The following ZNF451 variants were observed in gnomAD, a reference collection of about 807,000 sequenced individuals.
ZNF451 encodes zinc finger protein 451.
A neutral mutation model predicts 107.1 loss-of-function variants in ZNF451; 80 were observed. The observed-to-expected ratio is 0.75, with a 90% CI of 0.62 to 0.90. The LOEUF (loss-of-function observed/expected upper bound fraction) is 0.90, where lower values mean the gene tolerates loss of function less well. ZNF451 is among the 40% of genes least tolerant of loss of function. ZNF451 has a pLI of 0.00. For synonymous variants in ZNF451, 362 were observed against 406.5 expected (o/e 0.89, Z 1.32); for missense variants, 1,107 against 1,236.2 (o/e 0.90, Z 1.57).
chr6:57,156,525 C>T (rs962589162), intron 13 of ZNF451, among the ~76,000 whole-genome samples: 1 of 152,128 alleles, frequency 6.6e-6, no homozygotes, highest in Non-Finnish European at 1.5e-5. Flanking sequence ...TCAGATTTGA[C>T]AGCCAGTCAG....
Position 57,133,103 on chromosome 6 carries a change from G to C in ZNF451, c.486G>C (p.Thr162=), listed in dbSNP as rs201373364. 6.2e-7 allele frequency: 1 copy of C among 1,614,154 alleles called. No individual in the cohort carries two copies. Among genetic ancestry groups the C allele is most frequent in the Non-Finnish European group, 8.5e-7 (1 of 1,179,998 alleles). Residue 162 remains threonine (T), a synonymous_variant, in exon 6 of 15, where the codon ACG becomes ACC. Coordinates refer to ENST00000370706, the MANE Select transcript of ZNF451 (RefSeq NM_001031623.3). ...TKSSFRRGGH[T]WVSGKPILCP... ...GTTCATTCCGAAGAGGAGGCCACAC[G>C]TGGGTGTCTGGGAAACCAATTTTAT... is the stretch of plus-strand genomic sequence containing the variant.
At chr6:57,110,376 T>G (rs1830055433) in intron 3 of ZNF451, among the ~76,000 whole-genome samples, 1 of 152,244 alleles carries the variant, frequency 6.6e-6, no homozygotes, top group Admixed American at 6.5e-5. Context: ...GGGGTTGGTT[T>G]GTACCATAGT....
intron 9 of ZNF451, 117 bp downstream of exon 9, chr6:57,142,212 C>A: frequency 7.8e-7 from 1 of 1,275,806 alleles, no homozygotes; most frequent in Non-Finnish European, 1.1e-6. Context: ...TATACAGTTG[C>A]CTGGAAATTA....
chr6:57,148,397 A>C lies in ZNF451; in HGVS notation c.2312A>C (p.His771Pro), dbSNP rs1832187208. 6.2e-7 allele frequency: 1 copy of C among 1,613,948 alleles called. No individual in the cohort carries two copies. The highest frequency in any genetic ancestry group is 8.5e-7 in the Non-Finnish European group (1 of 1,179,888). ...TAQNLTDMNT[H>P]IHQVHKEKSD... is the part of the protein sequence containing the mutation. ...CAGAATTTAACCGACATGAACACTC[A>C]TATCCATCAAGTGCACAAAGAAAAG... Residue 771 changes from histidine to proline, a missense_variant, in exon 10 of 15, where the codon CAT (histidine) becomes CCT (proline). Physicochemically the swap from His to Pro is moderately conservative, Grantham distance 77. This residue lies in a region of ZNF451 where 608 missense variants were observed against 649.2 expected (regional missense o/e 0.94). Transcript: ENST00000370706.
At chr6:57,110,946 G>A (rs1830077178) in intron 3 of ZNF451, among the ~76,000 whole-genome samples, 2 of 143,210 alleles carry the variant, frequency 1.4e-5, no homozygotes, top group South Asian at 2.2e-4. Flanking sequence ...TTTTGAGACA[G>A]TCTCACTCTG....
chr6:57,156,996 C>G lies in ZNF451; in HGVS notation c.3070+2949C>G, dbSNP rs557818734. Among the ~76,000 whole-genome samples, 3 of 152,292 alleles carry G rather than the reference C, an allele frequency of 2.0e-5. No individual in the cohort carries two copies. In the East Asian group the frequency reaches 5.8e-4, roughly 29 times the overall value. On this transcript the variant is annotated intron_variant, in intron 13 of 14. Coordinates refer to ENST00000370706, the MANE Select transcript of ZNF451 (RefSeq NM_001031623.3). ...TCACCTCCTGCTGTGCGGCCCAGTT[C>G]TTAACAGGCCACAGACTGGTACTGG...
At chr6:57,096,913 C>A (rs1593074505) in intron 2 of ZNF451, among the ~76,000 whole-genome samples, 1 of 150,708 alleles carries the variant, frequency 6.6e-6, no homozygotes, top group Admixed American at 6.6e-5. Flanking sequence ...GTAGCTGGGA[C>A]TACAGGTGCC....
chr6:57,150,176 A>G (rs1350276786), intron 10 of ZNF451, among the ~76,000 whole-genome samples: 1 of 152,130 alleles, frequency 6.6e-6, no homozygotes, highest in African/African-American at 2.4e-5. Context: ...TCTCTGTACC[A>G]CTGGCACATA....
intron 5 of ZNF451, among the ~76,000 whole-genome samples, chr6:57,129,548 A>G (rs182759918): frequency 2.6e-5 from 4 of 152,344 alleles, no homozygotes; most frequent in Admixed American, 2.0e-4. Flanking sequence ...GGAAATATCT[A>G]TGCATGCAAT....
intron 5 of ZNF451, among the ~76,000 whole-genome samples, chr6:57,132,371 A>G (rs1470509230): frequency 6.6e-6 from 1 of 152,166 alleles, no homozygotes; most frequent in Non-Finnish European, 1.5e-5. Context: ...ACCCTCTATA[A>G]TATAGCTAAA....
rs149876604 is a variant in ZNF451 at position 57,147,875 on chromosome 6, C to A, written c.1790C>A (p.Pro597Gln). 6.2e-7 allele frequency: 1 copy of A among 1,614,088 alleles called. No individual in the cohort carries two copies. The highest frequency in any genetic ancestry group is 1.1e-5 in the South Asian group (1 of 91,080). Residue 597 changes from proline to glutamine, a missense_variant, in exon 10 of 15, where the codon CCG becomes CAG. By Grantham distance (76) the Pro-to-Gln change is moderately conservative (BLOSUM62 -1). Coordinates refer to ENST00000370706, the MANE Select transcript of ZNF451 (RefSeq NM_001031623.3). ...SSAITVIDHS[P>Q]ANSSPRGKWQ... ...GCTATTACTGTTATTGATCATTCCCCGGCAAATAGTTCTCCGAGGGGTAAA... is the reference window on the plus strand; with the variant it reads ...GCTATTACTGTTATTGATCATTCCCAGGCAAATAGTTCTCCGAGGGGTAAA...
At chr6:57,113,715 G>A (rs999284524) in intron 3 of ZNF451, among the ~76,000 whole-genome samples, 2 of 149,444 alleles carry the variant, frequency 1.3e-5, no homozygotes, top group Non-Finnish European at 3.0e-5. Context: ...TCCACCTCCC[G>A]GGTTCACGCC....
intron 2 of ZNF451, among the ~76,000 whole-genome samples, chr6:57,096,236 G>T (rs2127933872): frequency 7.8e-6 from 1 of 128,270 alleles, no homozygotes; most frequent in East Asian, 2.4e-4. Context: ...CCAGGCTGGA[G>T]TGCAGTGGGA....
At chr6:57,108,296 C>G (rs1000135064) in intron 3 of ZNF451, 1 of 985,308 alleles carries the variant, frequency 1.0e-6, no homozygotes, top group African/African-American at 1.7e-5. Flanking sequence ...AAGAGTGGCT[C>G]TATCACAGCA....
At chr6:57,104,193 T>C in intron 3 of ZNF451, 2 of 985,378 alleles carry the variant, frequency 2.0e-6, no homozygotes, top group African/African-American at 3.5e-5. Context: ...TAGAAGAATA[T>C]CGATTACCTG....
chr6:57,152,439 A>G (rs1236366403), intron 12 of ZNF451, 88 bp downstream of exon 12: 1 of 1,451,300 alleles, frequency 6.9e-7, no homozygotes, highest in African/African-American at 1.4e-5. Context: ...AGACTTATAG[A>G]TCATTCTTCA....
chr6:57,138,319 G>A (rs1256254677), intron 7 of ZNF451, among the ~76,000 whole-genome samples: 2 of 151,186 alleles, frequency 1.3e-5, no homozygotes, highest in Middle Eastern at 3.4e-3. Flanking sequence ...CTGGAGTGCA[G>A]TGGTGCAGTT....
intron 14 of ZNF451, among the ~76,000 whole-genome samples, chr6:57,164,575 C>G (rs1202508079): frequency 2.6e-5 from 4 of 152,114 alleles, no homozygotes; most frequent in African/African-American, 9.7e-5. Context: ...TAGCAATATG[C>G]CTTATTCTGA....
At chr6:57,140,286 C>G (rs72867050) in intron 7 of ZNF451, among the ~76,000 whole-genome samples, 6,543 of 152,094 alleles carry the variant, frequency 0.043, 190 homozygotes, top group Non-Finnish European at 0.065. Context: ...GCAATGAAGG[C>G]CAGGCACGGT....
Sources: allele counts gnomAD v4.1 joint callset (sites outside exome capture counted in the v4.1 genomes callset), GRCh38; gene constraint gnomAD v4.1.1; regional missense constraint gnomAD v4.1.1; transcripts MANE v1.5; gene names NCBI Gene and HGNC (gene_info 2026-07-23, HGNC 2026-07-21).